The following TIA1 variants were observed in gnomAD, a reference collection of about 807,000 sequenced individuals.
TIA1 encodes the protein cytotoxic granule associated RNA binding protein TIA1.
A neutral mutation model predicts 65.9 loss-of-function variants in TIA1; 23 were observed. That is an observed-to-expected ratio of 0.35 (90% CI 0.25 to 0.49). TIA1 has a LOEUF of 0.49. Ranked by LOEUF, TIA1 falls within the 20% of genes least tolerant of loss-of-function variation. TIA1 has a pLI of 0.98. For missense variants in TIA1, 371 were observed against 477.9 expected, an observed-to-expected ratio of 0.78 and a Z score of 2.09; for synonymous variants, 147 against 149.4, an observed-to-expected ratio of 0.98 and a Z score of 0.12.
intron 1 of TIA1, 27 bp from the exon 2 acceptor site, chr2:70,236,202 C>CTT (rs762400931): frequency 1.0e-3 from 1,207 of 1,172,226 alleles, no homozygotes; most frequent in African/African-American, 2.0e-3. Flanking sequence ...AACAATTTAC[C>CTT]TTTTTTTTTT....
At position 70,230,078 on chromosome 2, in the gene TIA1, C is replaced by T. The variant is rs1685509493; in HGVS notation, c.222+678G>A. Among the ~76,000 whole-genome samples, 3 of 151,694 alleles carry T rather than the reference C, an allele frequency of 2.0e-5. No homozygotes were observed. In the South Asian group the frequency reaches 6.2e-4, roughly 32 times the overall value. On this transcript the variant is annotated intron_variant, in intron 3 of 12. Coordinates refer to ENST00000433529, the MANE Select transcript of TIA1 (RefSeq NM_022173.4). Reference sequence around the variant, plus strand: ...CCAACACGGTGAAACCCTGTTTCTACTAAAAATACAAAAAATTAGTCAGGC... The same window carrying T: ...CCAACACGGTGAAACCCTGTTTCTATTAAAAATACAAAAAATTAGTCAGGC...
intron 10 of TIA1, 89 bp downstream of exon 10, chr2:70,216,119 T>G: frequency 8.8e-7 from 1 of 1,135,274 alleles, no homozygotes; most frequent in South Asian, 1.5e-5. Flanking sequence ...AAAAAATATT[T>G]TGGAGGAAAA....
chr2:70,224,678 A>AT (rs1683054645), intron 6 of TIA1, 49 bp from the exon 7 acceptor site: 1 of 1,591,472 alleles, frequency 6.3e-7, no homozygotes. Context: ...TATCCTCTGG[A>AT]TATCAAATAA....
rs780392622 is a variant in TIA1, at chr2:70,227,832, G to C, written c.311-10C>G. On this transcript the variant is annotated splice_polypyrimidine_tract_variant and intron_variant, in intron 5 of 12. Transcript: ENST00000433529. ...AAGACATGGAAATGATCTTATAAGG[G>C]GAAGGAAGGGGAAGTGAAAAGAAAA... 2 of 1,554,368 alleles carry C rather than the reference G, an allele frequency of 1.3e-6. No homozygotes were observed. The highest frequency in any genetic ancestry group is 1.8e-6 in the Non-Finnish European group (2 of 1,138,956).
intron 1 of TIA1, among the ~76,000 whole-genome samples, chr2:70,246,273 C>T (rs558569330): frequency 3.0e-4 from 46 of 152,290 alleles, no homozygotes; most frequent in African/African-American, 1.1e-3. Flanking sequence ...CCATGGACCA[C>T]ACTAAGAACA....
At chr2:70,233,537 G>A (rs1356775376) in intron 2 of TIA1, among the ~76,000 whole-genome samples, 1 of 152,148 alleles carries the variant, frequency 6.6e-6, no homozygotes, top group Admixed American at 6.5e-5. Context: ...GGGAAGCTGG[G>A]GTGGGCGGAT....
At chr2:70,228,940 CA>C in intron 5 of TIA1, 118 bp downstream of exon 5, 1 of 1,449,938 alleles carries the variant, frequency 6.9e-7, no homozygotes, top group Non-Finnish European at 9.2e-7. Context: ...GCTAGAGAGA[CA>C]AATAGAAATA....
intron 11 of TIA1, 65 bp downstream of exon 11, chr2:70,215,305 CA>C: frequency 2.5e-6 from 4 of 1,592,754 alleles, no homozygotes; most frequent in Non-Finnish European, 3.4e-6. Flanking sequence ...GGATTATCAA[CA>C]ATCTTCACCT....
chr2:70,212,892 TTAAAA>T (rs776571655), intron 12 of TIA1, 47 bp from the exon 13 acceptor site: 23 of 1,320,666 alleles, frequency 1.7e-5, no homozygotes, highest in Non-Finnish European at 2.4e-5. Flanking sequence ...AATCCACTGA[TTAAAA>T]TAAAGTATTG....
chr2:70,248,287 CAAA>C, intron 1 of TIA1, 115 bp downstream of exon 1: 1 of 1,280,086 alleles, frequency 7.8e-7, no homozygotes, highest in Non-Finnish European at 1.1e-6. Flanking sequence ...GCTAAGGAAA[CAAA>C]AACCACGATA....
intron 1 of TIA1, among the ~76,000 whole-genome samples, chr2:70,238,661 T>C (rs1479068828): frequency 6.6e-6 from 1 of 151,590 alleles, no homozygotes; most frequent in African/African-American, 2.4e-5. Context: ...AGAAGAGGGG[T>C]GAAAGGGAGT....
At position 70,210,573 on chromosome 2, in the gene TIA1, CTG is replaced by C. The variant is rs1046990570; in HGVS notation, c.*2144_*2145del. ...AAGCCAATATGCTGGATAATAAAAA[CTG>C]TTATTACTGGAGATAGTCAAAATGA... is the stretch of plus-strand genomic sequence containing the variant. On this transcript the variant is annotated 3_prime_UTR_variant, in exon 13 of 13. Transcript: ENST00000433529. 1 of 152,236 alleles carries C rather than the reference CTG, an allele frequency of 6.6e-6. No individual in the cohort carries two copies. Among genetic ancestry groups the C allele is most frequent in the African/African-American group, 2.4e-5 (1 of 41,556 alleles). The allele number at this position is 152,236 out of a possible 1,614,324, so 9.4% of individuals were successfully genotyped here.
intron 2 of TIA1, among the ~76,000 whole-genome samples, chr2:70,235,541 A>AGTGTGT (rs145663932): frequency 0.12 from 18,380 of 147,072 alleles, 1,544 homozygotes; most frequent in African/African-American, 0.21. Flanking sequence ...TAGATGAATG[A>AGTGTGT]GTGTGTGTGT....
At chr2:70,219,737 GCT>G (rs1491533081) in intron 7 of TIA1, among the ~76,000 whole-genome samples, 1 of 114,288 alleles carries the variant, frequency 8.7e-6, no homozygotes, top group Non-Finnish European at 1.7e-5. Context: ...AGGTCGCCAG[GCT>G]TTTTTTTTTT....
At chr2:70,235,987 A>G (rs1688723275) in intron 2 of TIA1, 92 bp downstream of exon 2, 3 of 698,770 alleles carry the variant, frequency 4.3e-6, no homozygotes, top group Non-Finnish European at 4.8e-6. Flanking sequence ...CTATATTTAG[A>G]CCATGGTAAA....
At chr2:70,248,066 G>A (rs1451095904) in intron 1 of TIA1, among the ~76,000 whole-genome samples, 1 of 152,168 alleles carries the variant, frequency 6.6e-6, no homozygotes, top group Non-Finnish European at 1.5e-5. Context: ...AGGAAAGAAA[G>A]CATAGGACAA....
chr2:70,248,643 G>A, upstream of TIA1: 1 of 652,852 alleles, frequency 1.5e-6, no homozygotes, highest in South Asian at 1.9e-5. Flanking sequence ...CGGGAGCCTA[G>A]GAGCAGCCAG....
intron 5 of TIA1, 93 bp downstream of exon 5, chr2:70,228,966 C>T: frequency 3.1e-5 from 8 of 255,564 alleles, no homozygotes; most frequent in Non-Finnish European, 4.6e-5. Flanking sequence ...CTCCTCCCGC[C>T]CCCCTCCCCC....
intron 7 of TIA1, among the ~76,000 whole-genome samples, chr2:70,221,371 G>A (rs1354756738): frequency 6.6e-6 from 1 of 151,966 alleles, no homozygotes; most frequent in Non-Finnish European, 1.5e-5. Context: ...TCTGGAGGCT[G>A]AGGCAGGAGG....
Sources: gnomAD v4.1 joint callset for allele counts (sites outside exome capture counted in the v4.1 genomes callset) on GRCh38, gnomAD v4.1.1 for gene constraint, MANE v1.5 for transcripts, NCBI Gene and HGNC (gene_info 2026-07-23, HGNC 2026-07-21) for gene names.